The following PHYHD1 variants were observed in gnomAD, a reference collection of about 807,000 sequenced individuals.
The protein encoded by PHYHD1 is phytanoyl-CoA dioxygenase domain containing 1.
Under a neutral mutation model 43.6 loss-of-function variants are expected in PHYHD1, and 42 were observed. That is an observed-to-expected ratio of 0.96 (90% CI 0.75 to 1.25). The LOEUF (loss-of-function observed/expected upper bound fraction) is 1.25. PHYHD1 is among the 50% of genes most tolerant of loss of function. The pLI, the probability that PHYHD1 is intolerant of heterozygous loss-of-function variation, is 0.00. For synonymous variants in PHYHD1, 139 were observed against 143.6 expected (o/e 0.97, Z 0.23); for missense variants, 342 against 370.8 (o/e 0.92, Z 0.64).
chr9:128,935,730 C>G (rs904360112), intron 6 of PHYHD1, among the ~76,000 whole-genome samples: 1 of 151,940 alleles, frequency 6.6e-6, no homozygotes, highest in African/African-American at 2.4e-5. Context: ...GGTGAAAAAC[C>G]ATTTCTACTA....
At chr9:128,922,158 G>C in intron 2 of PHYHD1, 111 bp downstream of exon 2, 1 of 689,316 alleles carries the variant, frequency 1.5e-6, no homozygotes, top group Non-Finnish European at 2.5e-6. Context: ...GGGGAGATTA[G>C]CCTGGAGGTC....
intron 8 of PHYHD1, 152 bp from the exon 9 acceptor site, chr9:128,937,605 G>A (rs1564542535): frequency 4.9e-6 from 4 of 810,436 alleles, no homozygotes; most frequent in Non-Finnish European, 8.0e-6. Flanking sequence ...TCCTGGGGCT[G>A]GCATATGGTA....
intron 3 of PHYHD1, 28 bp downstream of exon 3, chr9:128,922,384 G>C: frequency 6.5e-7 from 1 of 1,547,082 alleles, no homozygotes; most frequent in Non-Finnish European, 8.7e-7. Flanking sequence ...GGGGCCGGGA[G>C]GGTCATGGCG....
chr9:128,927,335 C>G, intron 4 of PHYHD1, 139 bp downstream of exon 4: 1 of 979,104 alleles, frequency 1.0e-6, no homozygotes, highest in Non-Finnish European at 1.5e-6. Flanking sequence ...TTCCCTCGCT[C>G]CTCACTGGGA....
chr9:128,932,586 T>A (rs1360313847), intron 4 of PHYHD1, among the ~76,000 whole-genome samples: 2 of 151,828 alleles, frequency 1.3e-5, no homozygotes, highest in Non-Finnish European at 2.9e-5. Flanking sequence ...AGGCTGCTCT[T>A]GAACTCCTGA....
chr9:128,933,147 A>C (rs990921297), intron 4 of PHYHD1, among the ~76,000 whole-genome samples: 38 of 137,402 alleles, frequency 2.8e-4, no homozygotes, highest in Non-Finnish European at 2.5e-4. Context: ...CACTGCACCC[A>C]GACTTTTTTT....
At chr9:128,924,375 G>C (rs764647528) in intron 3 of PHYHD1, among the ~76,000 whole-genome samples, 1 of 152,164 alleles carries the variant, frequency 6.6e-6, no homozygotes, top group Non-Finnish European at 1.5e-5. Context: ...CTGAGATCGC[G>C]CCACTGCGCT....
At chr9:128,930,555 G>A (rs767571711) in intron 4 of PHYHD1, among the ~76,000 whole-genome samples, 1 of 150,000 alleles carries the variant, frequency 6.7e-6, no homozygotes, top group Non-Finnish European at 1.5e-5. Flanking sequence ...AGACCAGCCT[G>A]ACCAACATGG....
intron 6 of PHYHD1, among the ~76,000 whole-genome samples, chr9:128,935,625 C>T (rs552897454): frequency 4.6e-4 from 69 of 150,570 alleles, no homozygotes; most frequent in Admixed American, 6.7e-4. Context: ...GTAGCTTGGC[C>T]GGGCGCGGTG....
intron 10 of PHYHD1, 39 bp from the exon 11 acceptor site, chr9:128,940,560 A>G (rs750093266): frequency 6.2e-7 from 1 of 1,613,864 alleles, no homozygotes; most frequent in East Asian, 2.2e-5. Flanking sequence ...AGGGACCTTG[A>G]GAAAGGAGGA....
rs201171719 is a variant in PHYHD1 at position 128,934,065 on chromosome 9, A to G, written c.316+7A>G. The G allele has an allele frequency of 2.5e-5, 40 of 1,613,312 alleles. No homozygotes were observed. The East Asian group carries it at 8.7e-4, about 35-fold the overall frequency. The stretch of plus-strand genomic sequence containing the variant: ...ATCAACAAAATTGGCCACGGTGAGC[A>G]GGGGCTTGGGGGTACAGGAAAGAAG... On this transcript the variant is annotated splice_region_variant and intron_variant, in intron 6 of 12. Coordinates refer to ENST00000372592, the MANE Select transcript of PHYHD1 (RefSeq NM_001100876.2).
chr9:128,939,432 A>T (rs1312298793), intron 9 of PHYHD1, among the ~76,000 whole-genome samples: 1 of 123,428 alleles, frequency 8.1e-6, no homozygotes, highest in Non-Finnish European at 1.9e-5. Context: ...TATGAAAATT[A>T]GCTGGGCGTG....
At chr9:128,923,426 C>T (rs910586540) in intron 3 of PHYHD1, among the ~76,000 whole-genome samples, 17 of 152,154 alleles carry the variant, frequency 1.1e-4, no homozygotes, top group Admixed American at 6.6e-5. Context: ...TTTGGTAGCC[C>T]GAGGGCCAGA....
At chr9:128,931,774 G>A (rs148060099) in intron 4 of PHYHD1, among the ~76,000 whole-genome samples, 3,141 of 151,898 alleles carry the variant, frequency 0.021, 116 homozygotes, top group African/African-American at 0.072. Flanking sequence ...TGATCCGTCC[G>A]CCTCAGCCTC....
Position 128,940,669 on chromosome 9 carries a change from G to GCCAGCCCGGGATAACAGCCTCTTTGTGC in PHYHD1, c.661_688dup (p.Thr230SerfsTer4), listed in dbSNP as rs1199725326. ...CTGGTACCAGCTTCCTTGGGTCAGAGCCAGCCCGGGATAACAGCCTCTTTG... is the reference window on the plus strand; with the variant it reads ...CTGGTACCAGCTTCCTTGGGTCAGAGCCAGCCCGGGATAACAGCCTCTTTGTGCCCAGCCCGGGATAACAGCCTCTTTG... On this transcript the variant is annotated frameshift_variant, in exon 11 of 13. Coordinates refer to ENST00000372592, the MANE Select transcript of PHYHD1 (RefSeq NM_001100876.2). LOFTEE classifies it high-confidence loss of function. The GCCAGCCCGGGATAACAGCCTCTTTGTGC allele has an allele frequency of 6.2e-7, 1 of 1,614,090 alleles. No individual in the cohort carries two copies. Among genetic ancestry groups the GCCAGCCCGGGATAACAGCCTCTTTGTGC allele is most frequent in the East Asian group, 2.2e-5 (1 of 44,888 alleles).
At position 128,936,298 on chromosome 9, in the gene PHYHD1, G is replaced by A. The variant is rs954315077; in HGVS notation, c.317-150G>A. 5 of 1,081,362 alleles carry A rather than the reference G, an allele frequency of 4.6e-6. No homozygotes were observed. The African/African-American group carries it at 4.7e-5, about 10-fold the overall frequency. The allele number at this position is 1,081,362 out of a possible 1,614,324, so 67.0% of individuals were successfully genotyped here. ...GGGGTGGGGGCAAGGCTCCTGTGGA[G>A]CCCATTACTCAGTTGTAAACAAGCA... is the stretch of plus-strand genomic sequence containing the variant. On this transcript the variant is annotated intron_variant, in intron 6 of 12. Coordinates refer to ENST00000372592, the MANE Select transcript of PHYHD1 (RefSeq NM_001100876.2).
At chr9:128,939,057 C>T (rs540587824) in intron 9 of PHYHD1, among the ~76,000 whole-genome samples, 2 of 132,110 alleles carry the variant, frequency 1.5e-5, no homozygotes, top group East Asian at 4.1e-4. Context: ...GAGTCCAGTT[C>T]TCCCAGTTCC....
chr9:128,933,308 G>A (rs963491621), intron 4 of PHYHD1, among the ~76,000 whole-genome samples: 2 of 151,668 alleles, frequency 1.3e-5, no homozygotes, highest in East Asian at 1.9e-4. Context: ...TGCCTACCAC[G>A]CCCAGCTGTT....
chr9:128,931,384 T>A (rs949508028), intron 4 of PHYHD1, among the ~76,000 whole-genome samples: 4 of 152,128 alleles, frequency 2.6e-5, no homozygotes, highest in African/African-American at 9.7e-5. Flanking sequence ...GTGCTAGGAT[T>A]ACAAGCATGA....
Sources: allele counts gnomAD v4.1 joint callset (sites outside exome capture counted in the v4.1 genomes callset), GRCh38; gene constraint gnomAD v4.1.1; transcripts MANE v1.5; gene names NCBI Gene and HGNC (gene_info 2026-07-23, HGNC 2026-07-21).